Variants in PDGFC observed in about 807,000 individuals in gnomAD.
PDGFC encodes the protein platelet-derived growth factor C.
PDGFC carries 12 observed loss-of-function variants against 35.5 expected under a neutral mutation model. That is an observed-to-expected ratio of 0.34 (90% CI 0.22 to 0.55). PDGFC has a LOEUF of 0.55. Ranked by LOEUF, PDGFC falls within the 20% of genes least tolerant of loss-of-function variation. PDGFC has a pLI of 0.91. For synonymous variants in PDGFC, 159 were observed against 148.8 expected, an observed-to-expected ratio of 1.07 and a Z score of -0.50; for missense variants, 322 against 412.4, an observed-to-expected ratio of 0.78 and a Z score of 1.90.
chr4:156,966,536 C>T (rs1037383456), intron 1 of PDGFC, among the ~76,000 whole-genome samples: 3 of 151,386 alleles, frequency 2.0e-5, no homozygotes, highest in Non-Finnish European at 2.9e-5. Flanking sequence ...TTTGTTTCCA[C>T]AAAGGGTGCA....
intron 1 of PDGFC, among the ~76,000 whole-genome samples, chr4:156,920,644 AACACACACACACACACACACACACAC>A (rs10611712): frequency 7.6e-6 from 1 of 132,002 alleles, no homozygotes; most frequent in Non-Finnish European, 1.6e-5. Context: ...AGGAAAAGAA[AACACACACACACACACACACACACAC>A]ACACACACAC....
intron 1 of PDGFC, among the ~76,000 whole-genome samples, chr4:156,931,731 G>T (rs1731554175): frequency 6.6e-6 from 1 of 151,952 alleles, no homozygotes; most frequent in Non-Finnish European, 1.5e-5. Flanking sequence ...AAACTGAAGT[G>T]GAGATATTTA....
At chr4:156,959,543 T>C (rs1732289656) in intron 1 of PDGFC, among the ~76,000 whole-genome samples, 1 of 152,070 alleles carries the variant, frequency 6.6e-6, no homozygotes, top group Non-Finnish European at 1.5e-5. Flanking sequence ...TCTCATATAA[T>C]TCACCACTAC....
At chr4:156,821,393 AT>A (rs1003468530) in intron 2 of PDGFC, among the ~76,000 whole-genome samples, 4 of 148,806 alleles carry the variant, frequency 2.7e-5, no homozygotes, top group African/African-American at 7.6e-5. Context: ...TCACATCTGA[AT>A]TTTTTTTTCT....
At chr4:156,943,406 C>T (rs1226935161) in intron 1 of PDGFC, among the ~76,000 whole-genome samples, 1 of 152,060 alleles carries the variant, frequency 6.6e-6, no homozygotes, top group Non-Finnish European at 1.5e-5. Flanking sequence ...ATCAGCATCA[C>T]ATCAAATTAT....
At chr4:156,891,211 C>T (rs188277864) in intron 1 of PDGFC, among the ~76,000 whole-genome samples, 17 of 131,120 alleles carry the variant, frequency 1.3e-4, no homozygotes, top group Admixed American at 4.4e-4. Context: ...ACCCGGGAGG[C>T]GGAGCTTGCA....
chr4:156,868,630 A>C (rs1274218294), intron 1 of PDGFC, among the ~76,000 whole-genome samples: 3 of 152,176 alleles, frequency 2.0e-5, no homozygotes, highest in South Asian at 4.1e-4. Context: ...ACTGTTTTCT[A>C]TTTCAACTGT....
chr4:156,968,148 T>G (rs2110991706), intron 1 of PDGFC, among the ~76,000 whole-genome samples: 1 of 152,250 alleles, frequency 6.6e-6, no homozygotes, highest in Admixed American at 6.5e-5. Context: ...CCTCTTGAAA[T>G]ACCAAGTTAA....
At chr4:156,827,673 T>C (rs1365350046) in intron 2 of PDGFC, among the ~76,000 whole-genome samples, 1 of 152,160 alleles carries the variant, frequency 6.6e-6, no homozygotes, top group Non-Finnish European at 1.5e-5. Flanking sequence ...TGTGCTGTTA[T>C]GTCAAAAAAT....
intron 1 of PDGFC, among the ~76,000 whole-genome samples, chr4:156,856,145 A>C (rs1729574679): frequency 6.6e-6 from 1 of 152,166 alleles, no homozygotes; most frequent in Non-Finnish European, 1.5e-5. Flanking sequence ...TAAAACAACA[A>C]AGCTAGTGTT....
chr4:156,768,618 C>T (rs370757424), intron 4 of PDGFC, among the ~76,000 whole-genome samples: 1 of 151,986 alleles, frequency 6.6e-6, no homozygotes, highest in East Asian at 1.9e-4. Flanking sequence ...GCTTCAAATG[C>T]ATTGAATGAT....
intron 1 of PDGFC, among the ~76,000 whole-genome samples, chr4:156,893,695 C>T (rs1474930968): frequency 6.6e-6 from 1 of 151,626 alleles, no homozygotes; most frequent in Non-Finnish European, 1.5e-5. Context: ...CTTGCTTATG[C>T]AAGGACAATT....
chr4:156,793,660 A>C lies in PDGFC; in HGVS notation c.495+17177T>G, dbSNP rs868780549. Among the ~76,000 whole-genome samples, 29 of 151,150 alleles carry C rather than the reference A, an allele frequency of 1.9e-4. No individual in the cohort carries two copies. The Middle Eastern group carries it at 0.014, about 73-fold the overall frequency. ...TGGGCAAAAAAATTTTTTAAATACC[A>C]ATCAGGGGGGCAGTGGCCTGGAATC... On this transcript the variant is annotated intron_variant, in intron 3 of 5. Coordinates refer to ENST00000502773, the MANE Select transcript of PDGFC (RefSeq NM_016205.3).
intron 2 of PDGFC, among the ~76,000 whole-genome samples, chr4:156,829,407 G>C (rs1728870704): frequency 1.3e-5 from 2 of 152,122 alleles, no homozygotes; most frequent in Admixed American, 1.3e-4. Context: ...GCATGAAAAG[G>C]GAAATAAGAA....
intron 1 of PDGFC, among the ~76,000 whole-genome samples, chr4:156,950,757 A>T (rs1453400849): frequency 1.3e-5 from 2 of 151,880 alleles, no homozygotes; most frequent in Admixed American, 1.3e-4. Context: ...AATACACAGA[A>T]CTTCCAAATG....
At chr4:156,868,269 T>C (rs552858742) in intron 1 of PDGFC, among the ~76,000 whole-genome samples, 33 of 152,326 alleles carry the variant, frequency 2.2e-4, no homozygotes, top group Middle Eastern at 3.4e-3. Flanking sequence ...AAGGCGAGCA[T>C]TTTGAAACTT....
At chr4:156,812,218 A>G (rs942424499) in intron 2 of PDGFC, among the ~76,000 whole-genome samples, 11 of 152,172 alleles carry the variant, frequency 7.2e-5, no homozygotes, top group African/African-American at 2.6e-4. Context: ...TAAAACAAAC[A>G]TATTCTTATT....
chr4:156,875,223 T>C (rs1730084384), intron 1 of PDGFC, among the ~76,000 whole-genome samples: 1 of 152,162 alleles, frequency 6.6e-6, no homozygotes, highest in African/African-American at 2.4e-5. Context: ...ACAGGGTGTA[T>C]TCAGGGATGA....
chr4:156,938,075 A>C (rs1054720847), intron 1 of PDGFC, among the ~76,000 whole-genome samples: 1 of 152,180 alleles, frequency 6.6e-6, no homozygotes, highest in African/African-American at 2.4e-5. Context: ...CAGTACTTTT[A>C]CATACAGATT....
Sources: gnomAD v4.1 joint callset for allele counts (sites outside exome capture counted in the v4.1 genomes callset) on GRCh38, gnomAD v4.1.1 for gene constraint, MANE v1.5 for transcripts, NCBI Gene and HGNC (gene_info 2026-07-23, HGNC 2026-07-21) for gene names.